The following VAV3 variants were observed in gnomAD, a reference collection of about 807,000 sequenced individuals.
VAV3 encodes guanine nucleotide exchange factor VAV3.
VAV3 carries 94 observed loss-of-function variants against 131.2 expected under a neutral mutation model. The ratio of observed to expected loss-of-function variants is 0.72; its 90% CI spans 0.61 to 0.85. The LOEUF is 0.85. Among genes scored for constraint, VAV3 ranks in the 40% least tolerant of loss-of-function variants. The probability of loss-of-function intolerance (pLI) is 0.00; values close to 1 mark genes in which losing one functional copy is unlikely to be tolerated. For synonymous variants in VAV3, 349 were observed against 342.0 expected (o/e 1.02, Z -0.22); for missense variants, 939 against 1,002.7 (o/e 0.94, Z 0.86).
Position 107,950,970 on chromosome 1 carries a change from C to T in VAV3, c.204+13696G>A, listed in dbSNP as rs1012107702. Among the ~76,000 whole-genome samples, 5 of 152,176 alleles carry T rather than the reference C, an allele frequency of 3.3e-5. No individual in the cohort carries two copies. In the East Asian group the frequency reaches 7.7e-4, roughly 23 times the overall value. On this transcript the variant is annotated intron_variant, in intron 1 of 26. Coordinates refer to ENST00000370056, the MANE Select transcript of VAV3 (RefSeq NM_006113.5). ...GATTCTATAGTTTTTGCTCCCTGAA[C>T]TTTCAAGATATTCAAGAGAATAGAC...
chr1:107,867,759 C>A (rs976705840), intron 2 of VAV3, among the ~76,000 whole-genome samples: 4 of 152,134 alleles, frequency 2.6e-5, no homozygotes, highest in African/African-American at 7.2e-5. Flanking sequence ...AGGCTGGAAG[C>A]TGGCTAATTT....
intron 1 of VAV3, chr1:107,964,356 G>A (rs1675305961): frequency 2.0e-5 from 5 of 251,270 alleles, no homozygotes. Flanking sequence ...TCCCTTTGTC[G>A]CGCCACACAC....
chr1:107,841,293 G>A (rs1557876514), intron 2 of VAV3, among the ~76,000 whole-genome samples: 1 of 152,008 alleles, frequency 6.6e-6, no homozygotes, highest in Non-Finnish European at 1.5e-5. Context: ...GGGGAAAGGG[G>A]GGGGTAGAAA....
chr1:107,767,962 T>C (rs192935554), intron 7 of VAV3, among the ~76,000 whole-genome samples: 1 of 152,342 alleles, frequency 6.6e-6, no homozygotes, highest in East Asian at 1.9e-4. Flanking sequence ...GTAGGGTATT[T>C]CATAAATGGG....
intron 1 of VAV3, among the ~76,000 whole-genome samples, chr1:107,876,294 T>G (rs572524715): frequency 6.6e-6 from 1 of 152,082 alleles, no homozygotes; most frequent in African/African-American, 2.4e-5. Context: ...AGGCTCTATA[T>G]GGAGGAGTGG....
intron 25 of VAV3, among the ~76,000 whole-genome samples, chr1:107,579,523 G>A (rs1247110204): frequency 6.6e-6 from 1 of 152,156 alleles, no homozygotes; most frequent in Admixed American, 6.5e-5. Context: ...TCTAAGTAAA[G>A]TGCTTTCTTT....
At position 107,596,391 on chromosome 1, in the gene VAV3, C is replaced by G. The variant is rs777655105; in HGVS notation, c.2221-50G>C. ...TTTTTGATAAGGATACTTTTGTTCT[C>G]AAACACATGAACTCCTGAGCACATA... On this transcript the variant is annotated intron_variant, in intron 24 of 26. Coordinates refer to ENST00000370056, the MANE Select transcript of VAV3 (RefSeq NM_006113.5). The G allele has an allele frequency of 3.1e-6, 5 of 1,595,164 alleles. No homozygotes were observed. In the African/African-American group the frequency reaches 6.7e-5, roughly 21 times the overall value.
At chr1:107,932,513 G>A (rs889988189) in intron 1 of VAV3, among the ~76,000 whole-genome samples, 2 of 152,202 alleles carry the variant, frequency 1.3e-5, no homozygotes. Flanking sequence ...ATGCTGCAAG[G>A]ACCTGTAAGT....
chr1:107,760,591 T>G (rs1264206756), intron 10 of VAV3, among the ~76,000 whole-genome samples, 193 bp downstream of exon 10: 2 of 152,238 alleles, frequency 1.3e-5, no homozygotes, highest in Non-Finnish European at 2.9e-5. Context: ...TTATGGCAGC[T>G]ACTGACCATC....
rs189747692 is a variant in VAV3 at position 107,929,992 on chromosome 1, A to T, written c.204+34674T>A. On this transcript the variant is annotated intron_variant, in intron 1 of 26. Coordinates refer to ENST00000370056, the MANE Select transcript of VAV3 (RefSeq NM_006113.5). ...TTTGTGGGAGCTAAAAAATTAAAATAATTGAACTCATGGAGATAGAGAATA... is the reference window on the plus strand; with the variant it reads ...TTTGTGGGAGCTAAAAAATTAAAATTATTGAACTCATGGAGATAGAGAATA... 7.2e-4 allele frequency among the ~76,000 whole-genome samples: 109 copies of T among 152,306 alleles called. 1 individual carries two copies. The highest frequency in any genetic ancestry group is 2.4e-3 in the African/African-American group (98 of 41,560).
rs1666224363 is a variant in VAV3, at chr1:107,790,388, G to A, written c.322-10896C>T. 2.6e-5 allele frequency among the ~76,000 whole-genome samples: 4 copies of A among 152,316 alleles called. No homozygotes were observed. The South Asian group carries it at 8.3e-4, about 32-fold the overall frequency. ...CACTGAGAAAACTGGACAAGACCTT[G>A]CCTGCAAAGTATTCATGGCAGAGTT... On this transcript the variant is annotated intron_variant, in intron 2 of 26. Coordinates refer to ENST00000370056, the MANE Select transcript of VAV3 (RefSeq NM_006113.5).
rs1378277959 is a variant in VAV3 at position 107,750,923 on chromosome 1, A to ATT, written c.1259+193_1259+194insAA. On this transcript the variant is annotated intron_variant, in intron 13 of 26. Coordinates refer to ENST00000370056, the MANE Select transcript of VAV3 (RefSeq NM_006113.5). Reference sequence around the variant, plus strand: ...TCCTTCTTAATAACTTAGACAAACTAATAGATACCAGAACCCAGGTGGGAA... The same window carrying ATT: ...TCCTTCTTAATAACTTAGACAAACTATTATAGATACCAGAACCCAGGTGGGAA... 3.3e-5 allele frequency among the ~76,000 whole-genome samples: 5 copies of ATT among 152,198 alleles called. No homozygotes were observed. The East Asian group carries it at 9.6e-4, about 29-fold the overall frequency.
chr1:107,817,736 T>G (rs1667618492), intron 2 of VAV3, among the ~76,000 whole-genome samples: 1 of 152,004 alleles, frequency 6.6e-6, no homozygotes, highest in Non-Finnish European at 1.5e-5. Context: ...GAGAGGATGC[T>G]GACAACCAGA....
intron 21 of VAV3, among the ~76,000 whole-genome samples, chr1:107,616,045 T>C (rs1325481614): frequency 6.6e-6 from 1 of 152,170 alleles, no homozygotes; most frequent in Non-Finnish European, 1.5e-5. Flanking sequence ...AGTGTGACAA[T>C]TTCTCAAGGA....
At chr1:107,812,799 C>T (rs1015745516) in intron 2 of VAV3, among the ~76,000 whole-genome samples, 1 of 151,930 alleles carries the variant, frequency 6.6e-6, no homozygotes, top group East Asian at 1.9e-4. Flanking sequence ...GGGGTTGAAG[C>T]AGGAAGAGAT....
chr1:107,789,850 T>A lies in VAV3; in HGVS notation c.322-10358A>T, dbSNP rs1415477197. 2.0e-5 allele frequency among the ~76,000 whole-genome samples: 3 copies of A among 152,204 alleles called. No individual in the cohort carries two copies. In the East Asian group the frequency reaches 5.8e-4, roughly 29 times the overall value. On this transcript the variant is annotated intron_variant, in intron 2 of 26. Coordinates refer to ENST00000370056, the MANE Select transcript of VAV3 (RefSeq NM_006113.5). Reference sequence around the variant, plus strand: ...CAAGATGTTTTAGTATTTTTTATATTAACTCTTCAAAATCCCATGTGTCTA... The same window carrying A: ...CAAGATGTTTTAGTATTTTTTATATAAACTCTTCAAAATCCCATGTGTCTA...
chr1:107,859,299 G>A (rs1439123812), intron 2 of VAV3, among the ~76,000 whole-genome samples: 1 of 151,922 alleles, frequency 6.6e-6, no homozygotes, highest in Non-Finnish European at 1.5e-5. Flanking sequence ...TTGAACTCCT[G>A]GGGCTCCAGT....
intron 2 of VAV3, among the ~76,000 whole-genome samples, chr1:107,845,456 A>T (rs1668919601): frequency 6.6e-6 from 1 of 152,180 alleles, no homozygotes; most frequent in African/African-American, 2.4e-5. Flanking sequence ...GAGTTTGACG[A>T]ATTGACAGAA....
chr1:107,695,728 C>G (rs1659704471), intron 17 of VAV3, among the ~76,000 whole-genome samples: 1 of 152,114 alleles, frequency 6.6e-6, no homozygotes. Context: ...GAAAGTCAAT[C>G]AGATTTCCAG....
Sources: gnomAD v4.1 joint callset for allele counts (sites outside exome capture counted in the v4.1 genomes callset) on GRCh38, gnomAD v4.1.1 for gene constraint, MANE v1.5 for transcripts, NCBI Gene and HGNC (gene_info 2026-07-23, HGNC 2026-07-21) for gene names.